The following PPP2R2C variants were observed in gnomAD, a reference collection of about 807,000 sequenced individuals.
The protein encoded by PPP2R2C is protein phosphatase 2, regulatory subunit B, gamma.
Under a neutral mutation model 45.3 loss-of-function variants are expected in PPP2R2C, and 10 were observed. The ratio of observed to expected loss-of-function variants is 0.22; its 90% confidence interval spans 0.14 to 0.37. The LOEUF is 0.37. Ranked by LOEUF, PPP2R2C falls within the 10% of genes least tolerant of loss-of-function variation. PPP2R2C has a pLI of 1.00. For synonymous variants in PPP2R2C, 257 were observed against 245.4 expected, an observed-to-expected ratio of 1.05 and a Z score of -0.44; for missense variants, 308 against 619.7, an observed-to-expected ratio of 0.50 and a Z score of 5.34.
At chr4:6,512,839 T>C (rs1723713564) in intron 2 of PPP2R2C, among the ~76,000 whole-genome samples, 2 of 152,022 alleles carry the variant, frequency 1.3e-5, no homozygotes, top group Admixed American at 6.5e-5. Flanking sequence ...AAGGGCCCAA[T>C]AGCTGTAGGT....
intron 1 of PPP2R2C, among the ~76,000 whole-genome samples, chr4:6,386,251 A>G (rs1210028454): frequency 1.3e-5 from 2 of 152,200 alleles, no homozygotes; most frequent in African/African-American, 4.8e-5. Context: ...GCCTGAGGAC[A>G]AGTCCCAGCC....
chr4:6,365,904 G>C (rs1189868870), intron 5 of PPP2R2C, among the ~76,000 whole-genome samples: 3 of 152,190 alleles, frequency 2.0e-5, no homozygotes, highest in Non-Finnish European at 4.4e-5. Flanking sequence ...TCCATCCGCT[G>C]AGACCTCCTG....
chr4:6,337,741 T>G (rs1457135377), intron 6 of PPP2R2C, among the ~76,000 whole-genome samples: 1 of 152,158 alleles, frequency 6.6e-6, no homozygotes, highest in Non-Finnish European at 1.5e-5. Flanking sequence ...GATCAAAGGC[T>G]GAGAGAACAA....
chr4:6,549,496 G>A (rs999012415), intron 1 of PPP2R2C, among the ~76,000 whole-genome samples: 1 of 152,212 alleles, frequency 6.6e-6, no homozygotes, highest in Non-Finnish European at 1.5e-5. Context: ...AGAAGGTGAG[G>A]CCCTCAGGAG....
chr4:6,381,669 C>G, intron 1 of PPP2R2C: 2 of 1,514,162 alleles, frequency 1.3e-6, no homozygotes, highest in South Asian at 1.3e-5. Flanking sequence ...AATCTCTGCT[C>G]GCAGAAGCGA....
intron 1 of PPP2R2C, among the ~76,000 whole-genome samples, chr4:6,426,989 G>A (rs73798251): frequency 0.014 from 2,089 of 152,358 alleles, 53 homozygotes; most frequent in African/African-American, 0.048. Context: ...ATCGGCCTGA[G>A]ACTGAGATGG....
At chr4:6,520,321 A>G (rs767665751) in intron 2 of PPP2R2C, among the ~76,000 whole-genome samples, 3 of 152,150 alleles carry the variant, frequency 2.0e-5, no homozygotes, top group Non-Finnish European at 4.4e-5. Flanking sequence ...AGCCAACATT[A>G]CCGCAGGGGG....
chr4:6,359,045 T>C lies in PPP2R2C; in HGVS notation c.626-11035A>G, dbSNP rs184629196. Among the ~76,000 whole-genome samples the C allele has an allele frequency of 1.1e-3, 172 of 152,318 alleles. 1 individual carries two copies. Among genetic ancestry groups the C allele is most frequent in the African/African-American group, 3.9e-3 (164 of 41,568 alleles). On this transcript the variant is annotated intron_variant, in intron 5 of 8. Transcript: ENST00000382599. ...ATGCTACTATAAAGACACATGCACA[T>C]GTATGTTTATTGCGGCGCTATTCAC...
rs139361657 is a variant in PPP2R2C at position 6,535,156 on chromosome 4, C to G, written c.49+115G>C. 4.1e-6 allele frequency: 5 copies of G among 1,215,542 alleles called. No homozygotes were observed. The South Asian group carries it at 6.8e-5, about 16-fold the overall frequency. The allele number at this position is 1,215,542 out of a possible 1,614,324, so 75.3% of individuals were successfully genotyped here. A position where few individuals can be genotyped will look rare whatever the true frequency, so the allele number is the denominator to read the frequency against. On this transcript the variant is annotated intron_variant, in intron 2 of 9. Coordinates refer to the PPP2R2C transcript ENST00000506140. Reference sequence around the variant, plus strand: ...GCAGGGGAGGGACCGGATCCCAGCACGGTGGGGTCGGCTTCCCGCTGTCAG... The same window carrying G: ...GCAGGGGAGGGACCGGATCCCAGCAGGGTGGGGTCGGCTTCCCGCTGTCAG...
Position 6,563,186 on chromosome 4 carries a change from C to T in PPP2R2C, c.-59+374G>A, listed in dbSNP as rs1391463423. Among the ~76,000 whole-genome samples the T allele has an allele frequency of 1.3e-5, 2 of 152,208 alleles. No individual in the cohort carries two copies. The highest frequency in any genetic ancestry group is 2.9e-5 in the Non-Finnish European group (2 of 68,028). On this transcript the variant is annotated intron_variant, in intron 1 of 9. Transcript: ENST00000506140. The surrounding 1 kb of genome is among the most constrained non-coding windows in gnomAD (Gnocchi z 5.8). The stretch of plus-strand genomic sequence containing the variant: ...GGGCTCGAGCGCGCCGGTTCTCGGC[C>T]GAGACGCTGTGGCTGACACCGGTGG...
intron 5 of PPP2R2C, among the ~76,000 whole-genome samples, chr4:6,361,096 T>C (rs1295464047): frequency 6.6e-6 from 1 of 152,158 alleles, no homozygotes; most frequent in East Asian, 1.9e-4. Flanking sequence ...TTTCAACATA[T>C]GAATGGGGAT....
intron 5 of PPP2R2C, among the ~76,000 whole-genome samples, chr4:6,359,541 T>C (rs1210034334): frequency 1.3e-5 from 2 of 151,984 alleles, no homozygotes; most frequent in African/African-American, 2.4e-5. Flanking sequence ...ATGATAATAT[T>C]TCGGGTATAT....
intron 1 of PPP2R2C, among the ~76,000 whole-genome samples, chr4:6,395,055 C>T (rs1716929550): frequency 6.6e-6 from 1 of 152,170 alleles, no homozygotes; most frequent in South Asian, 2.1e-4. Flanking sequence ...CGCGAGCCTG[C>T]AGCCGCCTCC....
At chr4:6,373,591 G>C (rs1456590327) in intron 4 of PPP2R2C, among the ~76,000 whole-genome samples, 1 of 152,214 alleles carries the variant, frequency 6.6e-6, no homozygotes, top group Non-Finnish European at 1.5e-5. Context: ...CTCAGTCCAA[G>C]GCCTAGCAGA....
chr4:6,447,417 G>A (rs1463706401), intron 1 of PPP2R2C, among the ~76,000 whole-genome samples: 2 of 152,136 alleles, frequency 1.3e-5, no homozygotes, highest in African/African-American at 4.8e-5. Context: ...CGGAGGAAGA[G>A]CTCCGGATAA....
rs4507442 is a variant in PPP2R2C, at chr4:6,389,875, G to T, written c.71-8781C>A. Among the ~76,000 whole-genome samples the T allele has an allele frequency of 4.6e-5, 7 of 152,072 alleles. No homozygotes were observed. In the East Asian group the frequency reaches 1.4e-3, roughly 29 times the overall value. On this transcript the variant is annotated intron_variant, in intron 1 of 8. Coordinates refer to ENST00000382599, the MANE Select transcript of PPP2R2C (RefSeq NM_020416.4). ...GGCAGGGGAGAGATTGGATTCCAGCGGTCTGCCTCCTGAGTCCTTGAACTT... is the reference window on the plus strand; with the variant it reads ...GGCAGGGGAGAGATTGGATTCCAGCTGTCTGCCTCCTGAGTCCTTGAACTT...
At chr4:6,457,971 G>A (rs1254484771) in intron 1 of PPP2R2C, among the ~76,000 whole-genome samples, 3 of 152,114 alleles carry the variant, frequency 2.0e-5, no homozygotes. Context: ...CTTCCTCTGG[G>A]ACATCTCCAT....
chr4:6,525,086 CAAAT>C (rs1724154488), intron 2 of PPP2R2C, among the ~76,000 whole-genome samples: 1 of 151,146 alleles, frequency 6.6e-6, no homozygotes, highest in Admixed American at 6.6e-5. Flanking sequence ...ACACTCTCTC[CAAAT>C]AAATAAATAA....
In PPP2R2C at chr4:6,387,795, G is replaced by A. The variant is rs573820602; in HGVS notation, c.71-6701C>T. The stretch of plus-strand genomic sequence containing the variant: ...TGCACCATTGCACTCCAGCCTGGGC[G>A]ACAACAGTGAAGAAAAAAAAAAAAG... On this transcript the variant is annotated intron_variant, in intron 1 of 8. Coordinates refer to ENST00000382599, the MANE Select transcript of PPP2R2C (RefSeq NM_020416.4). Among the ~76,000 whole-genome samples, 12 of 134,030 alleles carry A rather than the reference G, an allele frequency of 9.0e-5. No individual in the cohort carries two copies. In the South Asian group the frequency reaches 1.2e-3, roughly 13 times the overall value. 87.9% of individuals were successfully genotyped at this position (134,030 alleles called of 152,430 possible).
Sources: gnomAD v4.1 joint callset for allele counts (sites outside exome capture counted in the v4.1 genomes callset) on GRCh38, gnomAD v4.1.1 for gene constraint, Gnocchi (gnomAD v3.1) non-coding constraint, MANE v1.5 for transcripts, NCBI Gene and HGNC (gene_info 2026-07-23, HGNC 2026-07-21) for gene names.